Variants in SH2D3C observed in about 807,000 individuals in gnomAD.
SH2D3C encodes SH2 domain containing 3C, also known as SH2 domain-containing protein 3C.
Under a neutral mutation model 75.2 loss-of-function variants are expected in SH2D3C, and 25 were observed. The observed-to-expected ratio is 0.33, with a 90% CI of 0.24 to 0.46. SH2D3C has a LOEUF of 0.46. Ranked by LOEUF, SH2D3C falls within the 20% of genes least tolerant of loss-of-function variation. The pLI, the probability that SH2D3C is intolerant of heterozygous loss-of-function variation, is 1.00. For synonymous variants in SH2D3C, 450 were observed against 473.7 expected (o/e 0.95, Z 0.65); for missense variants, 933 against 1,165.3 (o/e 0.80, Z 2.90).
chr9:127,768,503 T>C (rs1845676122), intron 2 of SH2D3C, among the ~76,000 whole-genome samples: 1 of 151,380 alleles, frequency 6.6e-6, no homozygotes, highest in Admixed American at 6.6e-5. Flanking sequence ...AGCAATCAGA[T>C]CCTCCTAAAA....
chr9:127,754,704 G>A lies in SH2D3C; in HGVS notation c.556-3404C>T. ...CCAGTCCGGCGCCCCCGGTACAATG[G>A]GGAGCCAGGGTGCCCAGGTCAGCCG... On this transcript the variant is annotated intron_variant, in intron 3 of 11. Transcript: ENST00000314830. This position sits in a 1 kb window ranked among gnomAD's most constrained non-coding sequence, Gnocchi z 4.4. 1 of 368,018 alleles carries A rather than the reference G, an allele frequency of 2.7e-6. No homozygotes were observed. Among genetic ancestry groups the A allele is most frequent in the Admixed American group, 3.1e-5 (1 of 32,276 alleles). The allele number at this position is 368,018 out of a possible 1,614,324, so 22.8% of individuals were successfully genotyped here. A position where few individuals can be genotyped will look rare whatever the true frequency, so the allele number is the denominator to read the frequency against.
intron 3 of SH2D3C, among the ~76,000 whole-genome samples, chr9:127,757,970 T>C (rs1194857556): frequency 6.6e-6 from 1 of 151,972 alleles, no homozygotes; most frequent in Non-Finnish European, 1.5e-5. Flanking sequence ...CAGTTTTTTG[T>C]ATTTTTAATA....
rs1554794143 is a variant in SH2D3C, at chr9:127,738,995, C to T, written c.2408-74G>A. ...AGAGCCCTAGCATTCTTCAGGACCC[C>T]CCTGTTAGGGACCTCCCCTCAACTC... On this transcript the variant is annotated intron_variant, in intron 11 of 11. Transcript: ENST00000314830. The surrounding 1 kb of genome is among the most constrained non-coding windows in gnomAD (Gnocchi z 5.0). 2 of 1,370,616 alleles carry T rather than the reference C, an allele frequency of 1.5e-6. No individual in the cohort carries two copies. The highest frequency in any genetic ancestry group is 1.5e-5 in the African/African-American group (1 of 67,178). The allele number at this position is 1,370,616 out of a possible 1,614,324, so 84.9% of individuals were successfully genotyped here. A position where few individuals can be genotyped will look rare whatever the true frequency, so the allele number is the denominator to read the frequency against.
chr9:127,749,297 C>G lies in SH2D3C; in HGVS notation c.1053G>C (p.Lys351Asn). ...PASPVSPSGP[K>N]GSHMKRRSVT... is the part of the protein sequence containing the mutation. ...CGCTGCGCCGCTTCATGTGGCTGCC[C>G]TTGGGGCCTGAGGGGCTGACGGGGC... is the stretch of plus-strand genomic sequence containing the variant. The change falls in exon 5 of 12, where the codon AAG becomes AAC. Residue 351 changes from lysine (K) to asparagine (N), a missense_variant. Transcript: ENST00000314830. This position sits in a 1 kb window ranked among gnomAD's most constrained non-coding sequence, Gnocchi z 5.9. 1.2e-6 allele frequency: 2 copies of G among 1,610,538 alleles called. No homozygotes were observed. The highest frequency in any genetic ancestry group is 1.7e-6 in the Non-Finnish European group (2 of 1,178,228).
At chr9:127,748,673 C>T (rs548300221) in intron 5 of SH2D3C, among the ~76,000 whole-genome samples, 147 of 152,352 alleles carry the variant, frequency 9.6e-4, no homozygotes, top group African/African-American at 3.5e-3. Context: ...TCTCAGGAAC[C>T]GTCAGCTGCT....
intron 8 of SH2D3C, 90 bp from the exon 9 acceptor site, chr9:127,742,049 AG>A: frequency 1.5e-6 from 2 of 1,311,534 alleles, no homozygotes; most frequent in East Asian, 5.0e-5. Flanking sequence ...GGGCCGGGAG[AG>A]GCGGAGGGCG....
At position 127,738,620 on chromosome 9, in the gene SH2D3C, G is replaced by A; in HGVS notation, c.*126C>T. On this transcript the variant is annotated 3_prime_UTR_variant, in exon 12 of 12. Transcript: ENST00000314830. The surrounding 1 kb of genome is among the most constrained non-coding windows in gnomAD (Gnocchi z 5.0). ...CGCAGGACCCTGGAGGTGCAAGGGA[G>A]ATGCTTGAGTTGAACCCAGAACATT... The A allele has an allele frequency of 9.8e-7, 1 of 1,024,032 alleles. No homozygotes were observed. Among genetic ancestry groups the A allele is most frequent in the South Asian group, 1.8e-5 (1 of 56,998 alleles). The allele number at this position is 1,024,032 out of a possible 1,614,324, so 63.4% of individuals were successfully genotyped here.
intron 2 of SH2D3C, among the ~76,000 whole-genome samples, chr9:127,769,543 C>T (rs1336546042): frequency 6.6e-6 from 1 of 151,646 alleles, no homozygotes; most frequent in African/African-American, 2.4e-5. Flanking sequence ...GTAATCCCAG[C>T]TACTCGGGAG....
At chr9:127,757,280 T>TC (rs902611134) in intron 3 of SH2D3C, among the ~76,000 whole-genome samples, 1 of 150,936 alleles carries the variant, frequency 6.6e-6, no homozygotes, top group Non-Finnish European at 1.5e-5. Context: ...TGATTTTTTT[T>TC]TTTTTTTGAG....
chr9:127,766,905 C>A, intron 2 of SH2D3C: 3 of 1,527,094 alleles, frequency 2.0e-6, no homozygotes, highest in Admixed American at 4.0e-5. Flanking sequence ...ACTCACCCAC[C>A]GCAGAGAAGC....
At chr9:127,744,514 C>G in intron 7 of SH2D3C, 50 bp downstream of exon 7, 1 of 1,546,626 alleles carries the variant, frequency 6.5e-7, no homozygotes, top group Non-Finnish European at 8.8e-7. Context: ...ACTGCCCTGC[C>G]CCACAGAACA....
In SH2D3C at chr9:127,754,967, A is replaced by C; in HGVS notation, c.556-3667T>G. On this transcript the variant is annotated intron_variant, in intron 3 of 11. Transcript: ENST00000314830. The surrounding 1 kb of genome is among the most constrained non-coding windows in gnomAD (Gnocchi z 4.4). ...GGTCGGCCGGGCCCAGCCCAGCCCGACCCTGCCGGGCGCCGCTGAGCTGCA... is the reference window on the plus strand; with the variant it reads ...GGTCGGCCGGGCCCAGCCCAGCCCGCCCCTGCCGGGCGCCGCTGAGCTGCA... 1 of 513,390 alleles carries C rather than the reference A, an allele frequency of 1.9e-6. No individual in the cohort carries two copies. The highest frequency in any genetic ancestry group is 3.1e-6 in the Non-Finnish European group (1 of 327,626). 31.8% of individuals were successfully genotyped at this position (513,390 alleles called of 1,614,324 possible).
At chr9:127,745,922 A>G (rs978647271) in intron 6 of SH2D3C, among the ~76,000 whole-genome samples, 5 of 152,206 alleles carry the variant, frequency 3.3e-5, no homozygotes, top group African/African-American at 1.2e-4. Flanking sequence ...TAGTGCCTGC[A>G]AGACCCTTCT....
chr9:127,747,322 A>G (rs1845061571), intron 5 of SH2D3C, 51 bp from the exon 6 acceptor site: 1 of 1,568,652 alleles, frequency 6.4e-7, no homozygotes, highest in African/African-American at 1.3e-5. Context: ...CAGGGGCCTC[A>G]GCCTGCCTCT....
intron 3 of SH2D3C, among the ~76,000 whole-genome samples, chr9:127,758,892 T>C (rs1406772981): frequency 6.6e-6 from 1 of 152,214 alleles, no homozygotes; most frequent in African/African-American, 2.4e-5. Context: ...GGGGCAGCAA[T>C]CTGAGGACTT....
intron 3 of SH2D3C, among the ~76,000 whole-genome samples, chr9:127,759,214 CT>C (rs1247249418): frequency 6.6e-6 from 1 of 151,302 alleles, no homozygotes; most frequent in Non-Finnish European, 1.5e-5. Context: ...CTACATCATG[CT>C]TTTTTTTTAA....
chr9:127,762,246 C>A, intron 2 of SH2D3C: 16 of 1,219,788 alleles, frequency 1.3e-5, no homozygotes, highest in Non-Finnish European at 1.7e-5. Flanking sequence ...CCTGGAGAGG[C>A]CAGAGGCCAG....
intron 2 of SH2D3C, among the ~76,000 whole-genome samples, chr9:127,768,374 C>G (rs1845674387): frequency 1.3e-5 from 2 of 151,956 alleles, no homozygotes; most frequent in South Asian, 4.2e-4. Context: ...ACAGGGTACC[C>G]CTGGTTCTCA....
intron 2 of SH2D3C, among the ~76,000 whole-genome samples, chr9:127,766,697 G>A (rs1178780483): frequency 6.6e-6 from 1 of 152,192 alleles, no homozygotes; most frequent in African/African-American, 2.4e-5. Context: ...AGCCTCCTGA[G>A]TAGCTGGGAC....
Sources: allele counts gnomAD v4.1 joint callset (sites outside exome capture counted in the v4.1 genomes callset), GRCh38; gene constraint gnomAD v4.1.1; non-coding constraint Gnocchi (gnomAD v3.1); transcripts MANE v1.5; gene names NCBI Gene and HGNC (gene_info 2026-07-23, HGNC 2026-07-21).